Variants in UGT2B4 observed in about 807,000 individuals in gnomAD.
UGT2B4 encodes UDP glucuronosyltransferase family 2 member B4, also known as UDP-glucuronosyltransferase 2B4.
A neutral mutation model predicts 49.8 loss-of-function variants in UGT2B4; 49 were observed. That is an observed-to-expected ratio of 0.98 (90% CI 0.78 to 1.25). The LOEUF is 1.25. UGT2B4 is among the 50% of genes most tolerant of loss of function. UGT2B4 has a pLI of 0.00. For missense variants in UGT2B4, 729 were observed against 627.7 expected (o/e 1.16, Z -1.73); for synonymous variants, 246 against 217.7 (o/e 1.13, Z -1.14).
upstream of UGT2B4, among the ~76,000 whole-genome samples, chr4:69,496,568 GT>G (rs1728169336): frequency 6.6e-6 from 1 of 152,134 alleles, no homozygotes; most frequent in Non-Finnish European, 1.5e-5. Context: ...AAAATTTAAT[GT>G]TTCATAGTAT....
chr4:69,489,067 T>C (rs2109808206), intron 3 of UGT2B4, among the ~76,000 whole-genome samples: 1 of 152,250 alleles, frequency 6.6e-6, no homozygotes, highest in South Asian at 2.1e-4. Context: ...AATGTAACGT[T>C]TTCTAACACC....
At chr4:69,496,531 T>C (rs1196420042), upstream of UGT2B4, among the ~76,000 whole-genome samples, 1 of 152,230 alleles carries the variant, frequency 6.6e-6, no homozygotes, top group East Asian at 1.9e-4. Context: ...ATAATTCAGA[T>C]ATCATACAAA....
Position 69,495,093 on chromosome 4 carries a change from G to A in UGT2B4, c.721+48C>T. ...GCTTTATACAAACTCAGCTTCAAAGGTACAAGAAAGTTAGATCTTCATGTT... is the reference window on the plus strand; with the variant it reads ...GCTTTATACAAACTCAGCTTCAAAGATACAAGAAAGTTAGATCTTCATGTT... On this transcript the variant is annotated intron_variant, in intron 1 of 5. Transcript: ENST00000305107. 3 of 1,479,312 alleles carry A rather than the reference G, an allele frequency of 2.0e-6. 1 individual carries two copies. Among genetic ancestry groups the A allele is most frequent in the Non-Finnish European group, 2.7e-6 (3 of 1,113,044 alleles). 91.6% of individuals were successfully genotyped at this position (1,479,312 alleles called of 1,614,324 possible). A position where few individuals can be genotyped will look rare whatever the true frequency, so the allele number is the denominator to read the frequency against.
rs1553896671 is a variant in UGT2B4, at chr4:69,502,118, T to TTTCTTTCTTTCTTTC, written c.-105-6167_-105-6153dup. 3.1e-4 allele frequency among the ~76,000 whole-genome samples: 42 copies of TTTCTTTCTTTCTTTC among 135,820 alleles called. 1 individual carries two copies. Among genetic ancestry groups the TTTCTTTCTTTCTTTC allele is most frequent in the Admixed American group, 4.5e-4 (6 of 13,344 alleles). 89.1% of individuals were successfully genotyped at this position (135,820 alleles called of 152,430 possible). On this transcript the variant is annotated intron_variant, in intron 1 of 1. Coordinates refer to the UGT2B4 transcript ENST00000510114. Reference sequence around the variant, plus strand: ...CTTTCTTTCTTTCTTTCTTTCTTTCTTTCTTTCTTTCTTTCTTTCTTTCTT... The same window carrying TTTCTTTCTTTCTTTC: ...CTTTCTTTCTTTCTTTCTTTCTTTCTTTCTTTCTTTCTTTCTTCTTTCTTTCTTTCTTTCTTTCTT...
rs759001442 is a variant in UGT2B4 at position 69,486,648 on chromosome 4, T to C, written c.1051A>G (p.Thr351Ala). ...TGGGGTATCCACTTGTACAGCCGAG[T>C]ATTGAGTCCTAAAGTATCTGGTTTA... ...GNKPDTLGLN[T>A]RLYKWIPQND... Residue 351 changes from threonine to alanine, a missense_variant, in exon 4 of 6, where the codon ACT (threonine) becomes GCT (alanine). By Grantham distance (58) the Thr-to-Ala change is moderately conservative (BLOSUM62 0). Transcript: ENST00000305107. 6.2e-6 allele frequency: 10 copies of C among 1,608,816 alleles called. No individual in the cohort carries two copies. The South Asian group carries it at 7.8e-5, about 13-fold the overall frequency.
At chr4:69,514,766 T>C (rs1728688473) in intron 1 of UGT2B4, among the ~76,000 whole-genome samples, 1 of 152,196 alleles carries the variant, frequency 6.6e-6, no homozygotes. Flanking sequence ...CATTTATTGA[T>C]TTGCATATGT....
At chr4:69,523,493 T>C (rs1193210750) in intron 1 of UGT2B4, among the ~76,000 whole-genome samples, 1 of 152,100 alleles carries the variant, frequency 6.6e-6, no homozygotes, top group Non-Finnish European at 1.5e-5. Context: ...CTTTATTTTC[T>C]GAGCAATAGA....
At chr4:69,513,486 GC>G (rs1301822297) in intron 1 of UGT2B4, among the ~76,000 whole-genome samples, 5 of 152,116 alleles carry the variant, frequency 3.3e-5, no homozygotes, top group African/African-American at 1.2e-4. Context: ...GGTTACTGTA[GC>G]CTTGTAGTAT....
chr4:69,485,878 A>G (rs1298826066), intron 4 of UGT2B4, among the ~76,000 whole-genome samples: 2 of 152,060 alleles, frequency 1.3e-5, no homozygotes, highest in African/African-American at 4.8e-5. Flanking sequence ...TCTCCTACTC[A>G]GCCTTCTGAG....
At position 69,524,722 on chromosome 4, in the gene UGT2B4, G is replaced by T. The variant is rs191046068; in HGVS notation, c.-106+965C>A. Among the ~76,000 whole-genome samples, 7 of 151,480 alleles carry T rather than the reference G, an allele frequency of 4.6e-5. No homozygotes were observed. The East Asian group carries it at 1.4e-3, about 29-fold the overall frequency. Reference sequence around the variant, plus strand: ...ATGAGAAAAAAAAACCCAAATATCTGCAAAGCATGATAAAACAAAGTGCAA... The same window carrying T: ...ATGAGAAAAAAAAACCCAAATATCTTCAAAGCATGATAAAACAAAGTGCAA... On this transcript the variant is annotated intron_variant, in intron 1 of 1. Transcript: ENST00000510114.
intron 1 of UGT2B4, among the ~76,000 whole-genome samples, chr4:69,512,267 T>C (rs1315042273): frequency 6.6e-6 from 1 of 152,104 alleles, no homozygotes; most frequent in East Asian, 1.9e-4. Flanking sequence ...TCTTTTTTAA[T>C]ATAGTTGTGA....
intron 2 of UGT2B4, among the ~76,000 whole-genome samples, chr4:69,491,969 T>C (rs1292200960): frequency 6.6e-6 from 1 of 152,140 alleles, no homozygotes; most frequent in Non-Finnish European, 1.5e-5. Flanking sequence ...AGAGATTACA[T>C]AATGTAATAA....
chr4:69,483,178 G>T (rs1341574005), intron 5 of UGT2B4, among the ~76,000 whole-genome samples: 1 of 151,996 alleles, frequency 6.6e-6, no homozygotes, highest in Admixed American at 6.6e-5. Context: ...AAAATTTAAA[G>T]ATTTTTTAGT....
At chr4:69,500,219 G>A (rs1728264959), upstream of UGT2B4, among the ~76,000 whole-genome samples, 1 of 152,072 alleles carries the variant, frequency 6.6e-6, no homozygotes. Context: ...CACATGGAGG[G>A]GAACAACACA....
chr4:69,481,050 A>G, intron 5 of UGT2B4, 140 bp from the exon 6 acceptor site: 1 of 497,950 alleles, frequency 2.0e-6, no homozygotes, highest in Non-Finnish European at 3.2e-6. Context: ...CATCCTGGCT[A>G]ACACGGTGAA....
At chr4:69,509,872 C>T (rs1728564373) in intron 1 of UGT2B4, among the ~76,000 whole-genome samples, 1 of 151,724 alleles carries the variant, frequency 6.6e-6, no homozygotes, top group Non-Finnish European at 1.5e-5. Context: ...ACAATTCCAC[C>T]TGTTTGTATT....
intron 4 of UGT2B4, 61 bp downstream of exon 4, chr4:69,486,548 A>G (rs1826690): frequency 0.25 from 275,795 of 1,106,690 alleles, 36,078 homozygotes; most frequent in East Asian, 0.43. Context: ...TTTCATGATA[A>G]CTATTAACAC....
chr4:69,495,474 T>C lies in UGT2B4; in HGVS notation c.388A>G (p.Ile130Val), dbSNP rs749238551. ...TTCATAAGTTTCTTATTTGAAACTATATCCTTACAGAACTTTCTAAGTATG... is the reference window on the plus strand; with the variant it reads ...TTCATAAGTTTCTTATTTGAAACTACATCCTTACAGAACTTTCTAAGTATG... ...NDILRKFCKD[I>V]VSNKKLMKKL... The change falls in exon 1 of 6, where the codon ATA (isoleucine) becomes GTA (valine). Residue 130 changes from isoleucine (I) to valine (V), a missense_variant. Ile to Val is a conservative substitution (Grantham distance 29). Transcript: ENST00000305107. The C allele has an allele frequency of 3.1e-6, 5 of 1,612,750 alleles. No individual in the cohort carries two copies. The highest frequency in any genetic ancestry group is 2.2e-5 in the South Asian group (2 of 91,010).
chr4:69,492,795 T>C (rs898037732), intron 2 of UGT2B4, among the ~76,000 whole-genome samples: 2 of 152,120 alleles, frequency 1.3e-5, no homozygotes, highest in African/African-American at 2.4e-5. Context: ...ACTGTAAAAG[T>C]AGGCATAGGT....
Sources: allele counts gnomAD v4.1 joint callset (sites outside exome capture counted in the v4.1 genomes callset), GRCh38; gene constraint gnomAD v4.1.1; transcripts MANE v1.5; gene names NCBI Gene and HGNC (gene_info 2026-07-23, HGNC 2026-07-21).